Variants in ZMAT4 observed in about 807,000 individuals in gnomAD.
ZMAT4 encodes zinc finger matrin-type 4.
ZMAT4 carries 17 observed loss-of-function variants against 28.7 expected under a neutral mutation model. The observed-to-expected ratio is 0.59, with a 90% confidence interval of 0.41 to 0.89. The LOEUF is 0.89. Ranked by LOEUF, ZMAT4 falls within the 40% of genes least tolerant of loss-of-function variation. ZMAT4 has a pLI of 0.00. For missense variants in ZMAT4, 240 were observed against 283.8 expected (o/e 0.85, Z 1.11); for synonymous variants, 117 against 109.2 (o/e 1.07, Z -0.44).
intron 2 of ZMAT4, among the ~76,000 whole-genome samples, chr8:40,805,106 AAAAC>A (rs1296345635): frequency 6.6e-6 from 1 of 152,060 alleles, no homozygotes; most frequent in Non-Finnish European, 1.5e-5. Context: ...TTACAAGAAA[AAAAC>A]AAACAACCCC....
At chr8:40,755,001 C>T (rs1317220868) in intron 3 of ZMAT4, among the ~76,000 whole-genome samples, 1 of 151,572 alleles carries the variant, frequency 6.6e-6, no homozygotes, top group Non-Finnish European at 1.5e-5. Flanking sequence ...CAGAGAGTGA[C>T]CCTATCTTGA....
intron 5 of ZMAT4, among the ~76,000 whole-genome samples, chr8:40,660,761 G>A (rs996144176): frequency 6.6e-6 from 1 of 152,120 alleles, no homozygotes; most frequent in Non-Finnish European, 1.5e-5. Context: ...GATGATAATG[G>A]CCAGCAGCAG....
chr8:40,881,528 C>CAA, intron 1 of ZMAT4, among the ~76,000 whole-genome samples: 1 of 51,916 alleles, frequency 1.9e-5, no homozygotes, highest in Non-Finnish European at 3.8e-5. Context: ...GAGAGAGAGA[C>CAA]AGAAAGAAAG....
At chr8:40,816,915 T>A in intron 2 of ZMAT4, among the ~76,000 whole-genome samples, 1 of 152,184 alleles carries the variant, frequency 6.6e-6, no homozygotes, top group East Asian at 1.9e-4. Context: ...CTTCTAGACA[T>A]CCAACCATGA....
chr8:40,777,326 A>G (rs1397065830), intron 2 of ZMAT4, among the ~76,000 whole-genome samples: 2 of 152,172 alleles, frequency 1.3e-5, no homozygotes, highest in East Asian at 1.9e-4. Context: ...GAGAGGGGAC[A>G]TTTTGTCTGC....
Position 40,754,562 on chromosome 8 carries a change from A to C in ZMAT4, c.192+13079T>G, listed in dbSNP as rs185461159. Among the ~76,000 whole-genome samples, 7 of 152,260 alleles carry C rather than the reference A, an allele frequency of 4.6e-5. No homozygotes were observed. In the East Asian group the frequency reaches 1.2e-3, roughly 25 times the overall value. On this transcript the variant is annotated intron_variant, in intron 3 of 6. Coordinates refer to ENST00000297737, the MANE Select transcript of ZMAT4 (RefSeq NM_024645.3). Reference sequence around the variant, plus strand: ...ACTATTTTTTTTCATTTAAATTATTATTTGTGTATTTGTACCTGTATAACA... The same window carrying C: ...ACTATTTTTTTTCATTTAAATTATTCTTTGTGTATTTGTACCTGTATAACA...
At chr8:40,533,965 T>C (rs1272847727) in intron 6 of ZMAT4, among the ~76,000 whole-genome samples, 1 of 152,150 alleles carries the variant, frequency 6.6e-6, no homozygotes, top group Non-Finnish European at 1.5e-5. Flanking sequence ...TGAACACTTT[T>C]GAGATTAAAA....
intron 5 of ZMAT4, among the ~76,000 whole-genome samples, chr8:40,658,631 C>T (rs1376693): frequency 1.2e-3 from 72 of 60,258 alleles, no homozygotes; most frequent in South Asian, 2.3e-3. Context: ...CACACACACA[C>T]ACACACACAC....
intron 5 of ZMAT4, among the ~76,000 whole-genome samples, chr8:40,614,496 C>T (rs1442495693): frequency 2.0e-5 from 3 of 152,074 alleles, no homozygotes; most frequent in Admixed American, 6.5e-5. Context: ...CTTTCTGTCT[C>T]GTTGATCTGT....
At chr8:40,542,375 G>C (rs915260686) in intron 6 of ZMAT4, among the ~76,000 whole-genome samples, 2 of 151,708 alleles carry the variant, frequency 1.3e-5, no homozygotes, top group Non-Finnish European at 2.9e-5. Context: ...ATTTAATTTT[G>C]TTTTATTTAT....
intron 5 of ZMAT4, among the ~76,000 whole-genome samples, chr8:40,610,663 A>G (rs760931088): frequency 2.3e-4 from 35 of 152,198 alleles, no homozygotes; most frequent in Non-Finnish European, 8.8e-5. Context: ...CTGCTTGGGA[A>G]AAGTGCCGGG....
intron 6 of ZMAT4, among the ~76,000 whole-genome samples, chr8:40,539,263 G>A (rs1412397053): frequency 6.6e-6 from 1 of 152,074 alleles, no homozygotes; most frequent in South Asian, 2.1e-4. Flanking sequence ...ATAATCTTTT[G>A]TAAATAAACA....
intron 5 of ZMAT4, among the ~76,000 whole-genome samples, chr8:40,593,769 A>C (rs1585729598): frequency 6.6e-6 from 1 of 151,712 alleles, no homozygotes; most frequent in Non-Finnish European, 1.5e-5. Context: ...ACCAGATTAC[A>C]CTCTTTCTCT....
chr8:40,807,981 CAT>C (rs1815161658), intron 2 of ZMAT4, among the ~76,000 whole-genome samples: 1 of 152,198 alleles, frequency 6.6e-6, no homozygotes, highest in African/African-American at 2.4e-5. Context: ...TCCCAGTGCA[CAT>C]AGTGTCAAAG....
At chr8:40,801,357 T>C (rs1294773176) in intron 2 of ZMAT4, among the ~76,000 whole-genome samples, 1 of 54,770 alleles carries the variant, frequency 1.8e-5, no homozygotes, top group African/African-American at 4.8e-5. Context: ...AAAAAATATA[T>C]ATATATATAT....
At chr8:40,816,965 G>T (rs1815566026) in intron 2 of ZMAT4, among the ~76,000 whole-genome samples, 1 of 152,114 alleles carries the variant, frequency 6.6e-6, no homozygotes, top group South Asian at 2.1e-4. Context: ...TGGAGACCCA[G>T]GGAAACTTCT....
intron 5 of ZMAT4, among the ~76,000 whole-genome samples, chr8:40,585,058 A>C (rs1002830268): frequency 1.3e-5 from 2 of 152,162 alleles, no homozygotes; most frequent in Non-Finnish European, 2.9e-5. Context: ...TCACATTATT[A>C]TGGCCCAGTG....
intron 3 of ZMAT4, among the ~76,000 whole-genome samples, chr8:40,734,593 A>T (rs1401238085): frequency 2.6e-5 from 4 of 151,836 alleles, no homozygotes; most frequent in Non-Finnish European, 5.9e-5. Context: ...ATTCTGGAAG[A>T]CTCTGGTAAT....
chr8:40,841,132 C>A (rs1446330641), intron 1 of ZMAT4, among the ~76,000 whole-genome samples: 1 of 152,182 alleles, frequency 6.6e-6, no homozygotes, highest in Non-Finnish European at 1.5e-5. Flanking sequence ...CAACGTCATT[C>A]GATCTGCAGC....
Sources: gnomAD v4.1 joint callset for allele counts (sites outside exome capture counted in the v4.1 genomes callset) on GRCh38, gnomAD v4.1.1 for gene constraint, MANE v1.5 for transcripts, NCBI Gene and HGNC (gene_info 2026-07-23, HGNC 2026-07-21) for gene names.